STMN1: variants seen among roughly 807,000 people sequenced by gnomAD.
STMN1 encodes the protein stathmin.
A neutral mutation model predicts 19.7 loss-of-function variants in STMN1; 3 were observed. That is an observed-to-expected ratio of 0.15 (90% CI 0.07 to 0.39). The LOEUF (loss-of-function observed/expected upper bound fraction) is 0.39, where lower values mean the gene tolerates loss of function less well. Among genes scored for constraint, STMN1 ranks in the 10% least tolerant of loss-of-function variants. The pLI is 1.00. For missense variants in STMN1, 99 were observed against 176.0 expected (o/e 0.56, Z 2.48); for synonymous variants, 59 against 58.9 (o/e 1.00, Z -0.01).
chr1:25,903,778 C>G lies in STMN1; in HGVS notation c.49G>C (p.Gly17Arg). The G allele has an allele frequency of 6.2e-7, 1 of 1,612,764 alleles. No homozygotes were observed. The highest frequency in any genetic ancestry group is 8.5e-7 in the Non-Finnish European group (1 of 1,179,740). Reference protein sequence around the residue: ...QVKELEKRASGQAFELILSPR... With the variant: ...QVKELEKRASRQAFELILSPR... ...CTGAGAATCAGCTCAAAAGCCTGGCCTGAGGCACGCTTCTCCAGTTCTTTC... is the reference window on the plus strand; with the variant it reads ...CTGAGAATCAGCTCAAAAGCCTGGCGTGAGGCACGCTTCTCCAGTTCTTTC... The change falls in exon 3 of 5, where the codon GGC becomes CGC. Residue 17 changes from glycine (G) to arginine (R), a missense_variant. Coordinates refer to ENST00000455785, the MANE Select transcript of STMN1 (RefSeq NM_005563.4).
rs912892699 is a variant in STMN1, at chr1:25,900,288, C to T, written c.*728G>A. The T allele has an allele frequency of 5.1e-6, 5 of 985,700 alleles. No individual in the cohort carries two copies. In the African/African-American group the frequency reaches 8.7e-5, roughly 17 times the overall value. 61.1% of individuals were successfully genotyped at this position (985,700 alleles called of 1,614,324 possible). A position where few individuals can be genotyped will look rare whatever the true frequency, so the allele number is the denominator to read the frequency against. ...CTAGAAACACGCTTGTGCTTTTAAT[C>T]TGCCTTTTAAAAGGGACACAGAACA... On this transcript the variant is annotated 3_prime_UTR_variant, in exon 5 of 5. Transcript: ENST00000455785.
Position 25,901,515 on chromosome 1 carries a change from G to T in STMN1, c.354C>A (p.Ala118=). The T allele has an allele frequency of 6.2e-7, 1 of 1,608,878 alleles. No homozygotes were observed. Among genetic ancestry groups the T allele is most frequent in the East Asian group, 2.2e-5 (1 of 44,716 alleles). Residue 118 remains alanine (A), a synonymous_variant, in exon 4 of 5, where the codon GCC becomes GCA. Coordinates refer to ENST00000455785, the MANE Select transcript of STMN1 (RefSeq NM_005563.4). ...CCTTCTCTCGCAAACGTTCCAGTTT[G>T]GCAGCCATTTGTGCCTCTCGGTTCT... is the stretch of plus-strand genomic sequence containing the variant. ...NKENREAQMA[A]KLERLREKDK...
chr1:25,903,471 G>A (rs1205653664), intron 3 of STMN1, 170 bp downstream of exon 3: 17 of 807,918 alleles, frequency 2.1e-5, no homozygotes, highest in Admixed American at 5.3e-5. Flanking sequence ...ACAAAGGAGC[G>A]GGCATGTAAC....
At chr1:25,903,447 G>A in intron 3 of STMN1, 194 bp downstream of exon 3, 1 of 677,764 alleles carries the variant, frequency 1.5e-6, no homozygotes, top group Non-Finnish European at 2.4e-6. Context: ...ATGTATTAAA[G>A]GAGAAAAATA....
chr1:25,900,419 C>CTG lies in STMN1; in HGVS notation c.*595_*596dup, dbSNP rs1423500121. 1.0e-6 allele frequency: 1 copy of CTG among 985,750 alleles called. No homozygotes were observed. The highest frequency in any genetic ancestry group is 1.2e-6 in the Non-Finnish European group (1 of 829,984). The allele number at this position is 985,750 out of a possible 1,614,324, so 61.1% of individuals were successfully genotyped here. ...GTGGAAGGAGACAATGCAAACCACACTGGGGCAAGAAACGGGGCAGAGAAC... is the reference window on the plus strand; with the variant it reads ...GTGGAAGGAGACAATGCAAACCACACTGTGGGGCAAGAAACGGGGCAGAGAAC... On this transcript the variant is annotated 3_prime_UTR_variant, in exon 5 of 5. Transcript: ENST00000455785.
rs548852576 is a variant in STMN1 at position 25,890,888 on chromosome 1, A to G, written c.379-5019T>C. On this transcript the variant is annotated intron_variant, in intron 4 of 4. Coordinates refer to the STMN1 transcript ENST00000426559. ...TTCAAGCCAGAATGGGACCCCCGCC[A>G]TCTGGAAAATGGCATTGAGAGAGCA... is the stretch of plus-strand genomic sequence containing the variant. Among the ~76,000 whole-genome samples, 126 of 152,242 alleles carry G rather than the reference A, an allele frequency of 8.3e-4. 1 individual carries two copies. The highest frequency in any genetic ancestry group is 2.8e-3 in the African/African-American group (117 of 41,544).
intron 4 of STMN1, among the ~76,000 whole-genome samples, chr1:25,893,149 G>A (rs557481603): frequency 1.5e-4 from 23 of 151,908 alleles, no homozygotes; most frequent in Non-Finnish European, 3.1e-4. Flanking sequence ...TGAAAAAAAC[G>A]AAATGAAAAA....
At chr1:25,896,015 G>C (rs1168943196), downstream of STMN1, among the ~76,000 whole-genome samples, 1 of 152,210 alleles carries the variant, frequency 6.6e-6, no homozygotes, top group South Asian at 2.1e-4. Context: ...AGATCCAGTG[G>C]TGAATGTGAC....
At chr1:25,886,579 C>CT (rs34974254) in intron 4 of STMN1, among the ~76,000 whole-genome samples, 44,082 of 94,380 alleles carry the variant, frequency 0.47, 11,430 homozygotes, top group South Asian at 0.7. Flanking sequence ...ACCCCCACCA[C>CT]TTTTTTTTTT....
intron 4 of STMN1, among the ~76,000 whole-genome samples, chr1:25,886,314 A>G (rs181927970): frequency 6.6e-6 from 1 of 152,332 alleles, no homozygotes; most frequent in East Asian, 1.9e-4. Flanking sequence ...CAGTGCAGCA[A>G]GTTTGAGTCT....
chr1:25,895,077 G>A (rs1479426306), intron 4 of STMN1, among the ~76,000 whole-genome samples: 1 of 151,564 alleles, frequency 6.6e-6, no homozygotes, highest in African/African-American at 2.4e-5. Context: ...GGGAGGGAGG[G>A]AGATTCACTT....
chr1:25,901,081 G>A lies in STMN1; in HGVS notation c.385C>T (p.His129Tyr). The change falls in exon 5 of 5, where the codon CAC becomes TAC. Residue 129 changes from histidine to tyrosine, a missense_variant. His to Tyr is a moderately conservative substitution (Grantham distance 83). Coordinates refer to ENST00000455785, the MANE Select transcript of STMN1 (RefSeq NM_005563.4). ...KLERLREKDK[H>Y]IEEVRKNKES... ...TTGTTCTTCCGCACTTCTTCAATGT[G>A]CTTATCCTGTAAAGGAAGGGTAAGG... The A allele has an allele frequency of 6.3e-7, 1 of 1,587,544 alleles. No homozygotes were observed. The highest frequency in any genetic ancestry group is 8.6e-7 in the Non-Finnish European group (1 of 1,166,784).
At chr1:25,901,441 T>A in intron 4 of STMN1, 50 bp downstream of exon 4, 1 of 1,551,070 alleles carries the variant, frequency 6.4e-7, no homozygotes, top group Non-Finnish European at 8.7e-7. Context: ...AGCCAACTCA[T>A]TGGTGCATCA....
intron 4 of STMN1, 146 bp from the exon 5 acceptor site, chr1:25,901,233 G>A: frequency 7.0e-7 from 1 of 1,418,798 alleles, no homozygotes; most frequent in Admixed American, 2.7e-5. Flanking sequence ...CACAATTTAA[G>A]TTCTGAGACA....
downstream of STMN1, chr1:25,885,024 CTTCA>C (rs1387968070): frequency 6.5e-6 from 1 of 153,770 alleles, no homozygotes; most frequent in Non-Finnish European, 1.5e-5. Context: ...TGTATTCCAG[CTTCA>C]TTATTTCCCC....
intron 4 of STMN1, chr1:25,888,983 A>G: frequency 2.1e-6 from 1 of 477,274 alleles, no homozygotes; most frequent in Admixed American, 2.4e-5. Context: ...TCTTCTCACA[A>G]GACTTCCTGG....
intron 4 of STMN1, among the ~76,000 whole-genome samples, chr1:25,886,086 C>T (rs184869152): frequency 1.3e-5 from 2 of 152,166 alleles, no homozygotes; most frequent in East Asian, 1.9e-4. Flanking sequence ...GGATTTTTAA[C>T]GAGTAGGAAA....
chr1:25,888,006 G>T (rs942050824), intron 4 of STMN1, among the ~76,000 whole-genome samples: 5 of 152,038 alleles, frequency 3.3e-5, no homozygotes, highest in Admixed American at 6.6e-5. Flanking sequence ...TGTTGTTGTT[G>T]TTTTTTAAAG....
chr1:25,892,582 C>T, intron 4 of STMN1: 6 of 985,158 alleles, frequency 6.1e-6, no homozygotes, highest in Non-Finnish European at 7.2e-6. Context: ...GCTGAGGGTC[C>T]CCTCCCAGCT....
Sources: gnomAD v4.1 joint callset for allele counts (sites outside exome capture counted in the v4.1 genomes callset) on GRCh38, gnomAD v4.1.1 for gene constraint, MANE v1.5 for transcripts, NCBI Gene and HGNC (gene_info 2026-07-23, HGNC 2026-07-21) for gene names.